The following CSMD1 variants were observed in gnomAD, a reference collection of about 807,000 sequenced individuals.
The protein encoded by CSMD1 is CUB and sushi domain-containing protein 1.
A neutral mutation model predicts 417.5 loss-of-function variants in CSMD1; 213 were observed. The observed-to-expected ratio is 0.51, with a 90% CI of 0.46 to 0.57. The LOEUF (loss-of-function observed/expected upper bound fraction) is 0.57. Ranked by LOEUF, CSMD1 falls within the 20% of genes least tolerant of loss-of-function variation. The pLI is 0.00. For missense variants in CSMD1, 6,923 were observed against 4,529.7 expected (o/e 1.53, Z -15.17); for synonymous variants, 2,862 against 1,736.8 (o/e 1.65, Z -16.11).
chr8:4,231,200 T>C (rs1429746376), intron 3 of CSMD1, among the ~76,000 whole-genome samples: 1 of 152,218 alleles, frequency 6.6e-6, no homozygotes, highest in African/African-American at 2.4e-5. Context: ...GCATTGAGTC[T>C]AAATGAAAGG....
intron 8 of CSMD1, among the ~76,000 whole-genome samples, chr8:3,591,089 T>C (rs1306097085): frequency 6.6e-6 from 1 of 152,192 alleles, no homozygotes; most frequent in Non-Finnish European, 1.5e-5. Context: ...CCTAGATTAA[T>C]TACGTTGCAC....
At chr8:3,359,054 T>C (rs34346316) in intron 21 of CSMD1, 98 bp downstream of exon 21, 241,304 of 1,139,822 alleles carry the variant, frequency 0.21, 27,181 homozygotes, top group South Asian at 0.32. Flanking sequence ...TCCTTCCTTG[T>C]CAACAAACCC....
chr8:4,154,790 A>G (rs1409777282), intron 3 of CSMD1, among the ~76,000 whole-genome samples: 1 of 152,068 alleles, frequency 6.6e-6, no homozygotes, highest in Non-Finnish European at 1.5e-5. Context: ...CAGAGAAAAT[A>G]AGAGAAAGAC....
chr8:3,371,270 C>T (rs1809928134), intron 18 of CSMD1, among the ~76,000 whole-genome samples: 1 of 152,164 alleles, frequency 6.6e-6, no homozygotes. Flanking sequence ...ACTAATACAT[C>T]CACTTACTAG....
At chr8:3,612,713 T>C (rs1801952192) in intron 8 of CSMD1, among the ~76,000 whole-genome samples, 1 of 152,084 alleles carries the variant, frequency 6.6e-6, no homozygotes, top group Non-Finnish European at 1.5e-5. Flanking sequence ...GAAAATAGAA[T>C]GTAATTCAAG....
rs542410972 is a variant in CSMD1 at position 4,855,111 on chromosome 8, C to A, written c.85+139221G>T. Among the ~76,000 whole-genome samples the A allele has an allele frequency of 6.6e-4, 101 of 151,974 alleles. 2 individuals carry two copies. The highest frequency in any genetic ancestry group is 2.8e-4 in the Non-Finnish European group (19 of 67,996). On this transcript the variant is annotated intron_variant, in intron 1 of 69. Coordinates refer to ENST00000635120, the MANE Select transcript of CSMD1 (RefSeq NM_033225.6). The stretch of plus-strand genomic sequence containing the variant: ...CCTCAAGTGGGTCCCTGACCCCTGA[C>A]CCCCGAGCAGCCTAACTGGGAGGCA...
At chr8:3,824,778 G>A (rs1423748821) in intron 5 of CSMD1, among the ~76,000 whole-genome samples, 1 of 151,900 alleles carries the variant, frequency 6.6e-6, no homozygotes, top group African/African-American at 2.4e-5. Context: ...ACAATATATT[G>A]GACAGCAGAG....
chr8:3,248,746 C>A (rs186711255), intron 26 of CSMD1, among the ~76,000 whole-genome samples: 2 of 152,052 alleles, frequency 1.3e-5, no homozygotes, highest in Admixed American at 6.6e-5. Context: ...CACGTTCTCT[C>A]CCATCTCTGG....
At chr8:3,067,126 T>C (rs117117850) in intron 49 of CSMD1, among the ~76,000 whole-genome samples, 1 of 152,196 alleles carries the variant, frequency 6.6e-6, no homozygotes, top group East Asian at 1.9e-4. Context: ...ACGGAATGAA[T>C]GGACCCCACG....
intron 50 of CSMD1, among the ~76,000 whole-genome samples, chr8:3,038,226 A>G (rs1240763881): frequency 6.6e-6 from 1 of 152,228 alleles, no homozygotes; most frequent in Non-Finnish European, 1.5e-5. Context: ...TCATCCAGTT[A>G]GTGATACCAG....
intron 17 of CSMD1, among the ~76,000 whole-genome samples, chr8:3,390,062 A>C (rs879645646): frequency 1.3e-5 from 2 of 152,130 alleles, no homozygotes; most frequent in Non-Finnish European, 2.9e-5. Flanking sequence ...GAGAAAGAAC[A>C]TCTGGAATTT....
intron 5 of CSMD1, among the ~76,000 whole-genome samples, chr8:3,946,700 C>T (rs1211406326): frequency 6.6e-6 from 1 of 152,030 alleles, no homozygotes; most frequent in Admixed American, 6.6e-5. Flanking sequence ...GTGTATCTCC[C>T]CTTTTCATTT....
chr8:3,682,030 A>T (rs1220650734), intron 7 of CSMD1, among the ~76,000 whole-genome samples: 5 of 152,194 alleles, frequency 3.3e-5, no homozygotes, highest in Non-Finnish European at 5.9e-5. Context: ...CACCTTATAC[A>T]AAAATTAATT....
chr8:4,453,840 G>C (rs1277509215), intron 2 of CSMD1, among the ~76,000 whole-genome samples: 7 of 10,708 alleles, frequency 6.5e-4, no homozygotes, highest in African/African-American at 1.4e-3. Context: ...TTTTTTTTTT[G>C]AGACAGAGTC....
intron 1 of CSMD1, among the ~76,000 whole-genome samples, chr8:4,861,637 A>G (rs1802139482): frequency 6.6e-6 from 1 of 152,168 alleles, no homozygotes; most frequent in Non-Finnish European, 1.5e-5. Flanking sequence ...TCTAAAATAT[A>G]TATGCATTTA....
At chr8:4,578,195 C>T (rs1195082574) in intron 2 of CSMD1, among the ~76,000 whole-genome samples, 1 of 152,106 alleles carries the variant, frequency 6.6e-6, no homozygotes, top group Non-Finnish European at 1.5e-5. Flanking sequence ...AAGTCTCGCT[C>T]TGTTGCCCAC....
chr8:3,746,950 GT>G (rs763944461), intron 6 of CSMD1, among the ~76,000 whole-genome samples: 30 of 152,210 alleles, frequency 2.0e-4, no homozygotes, highest in Non-Finnish European at 2.9e-4. Context: ...GAACAGGCCA[GT>G]CTGAGAAATA....
At chr8:3,189,131 G>T (rs771642380) in intron 34 of CSMD1, 120 bp from the exon 35 acceptor site, 1 of 872,966 alleles carries the variant, frequency 1.1e-6, no homozygotes, top group Non-Finnish European at 1.7e-6. Flanking sequence ...ACAATGATAC[G>T]TTAAACGGCA....
At chr8:3,590,757 C>A (rs1010815040) in intron 8 of CSMD1, among the ~76,000 whole-genome samples, 1 of 152,108 alleles carries the variant, frequency 6.6e-6, no homozygotes, top group Non-Finnish European at 1.5e-5. Flanking sequence ...AGCAGCACAG[C>A]CGAGGAGGAG....
Sources: allele counts gnomAD v4.1 joint callset (sites outside exome capture counted in the v4.1 genomes callset), GRCh38; gene constraint gnomAD v4.1.1; transcripts MANE v1.5; gene names NCBI Gene and HGNC (gene_info 2026-07-23, HGNC 2026-07-21).